The following REV3L variants were observed in gnomAD, a reference collection of about 807,000 sequenced individuals.
The protein encoded by REV3L is REV3 like, DNA directed polymerase zeta catalytic subunit.
A neutral mutation model predicts 299.4 loss-of-function variants in REV3L; 69 were observed. The ratio of observed to expected loss-of-function variants is 0.23; its 90% CI spans 0.19 to 0.28. REV3L has a LOEUF of 0.28. REV3L is among the 10% of genes least tolerant of loss of function. The pLI, the probability that REV3L is intolerant of heterozygous loss-of-function variation, is 1.00. For synonymous variants in REV3L, 1,238 were observed against 1,271.4 expected, an observed-to-expected ratio of 0.97 and a Z score of 0.56; for missense variants, 3,128 against 3,693.8, an observed-to-expected ratio of 0.85 and a Z score of 3.97.
At chr6:111,353,526 T>C (rs1025363180) in intron 18 of REV3L, among the ~76,000 whole-genome samples, 3 of 152,212 alleles carry the variant, frequency 2.0e-5, no homozygotes, top group African/African-American at 7.2e-5. Context: ...GATCTGTTCA[T>C]GATCCATTGT....
chr6:111,314,710 G>C (rs966620950), intron 27 of REV3L, among the ~76,000 whole-genome samples: 1 of 152,176 alleles, frequency 6.6e-6, no homozygotes, highest in Non-Finnish European at 1.5e-5. Flanking sequence ...AGAATGAAAT[G>C]CTGGCTGTTT....
At chr6:111,465,288 C>T (rs1312604193) in intron 1 of REV3L, among the ~76,000 whole-genome samples, 2 of 151,094 alleles carry the variant, frequency 1.3e-5, no homozygotes, top group Admixed American at 1.3e-4. Context: ...GCCATGTTGG[C>T]TAGGCTGGTC....
intron 1 of REV3L, among the ~76,000 whole-genome samples, chr6:111,457,468 T>C (rs371664434): frequency 6.6e-6 from 1 of 151,574 alleles, no homozygotes; most frequent in Non-Finnish European, 1.5e-5. Flanking sequence ...AGATTGTTTT[T>C]AGTTGGGAAA....
chr6:111,393,185 A>T (rs914244963), intron 4 of REV3L, among the ~76,000 whole-genome samples: 1 of 151,452 alleles, frequency 6.6e-6, no homozygotes, highest in South Asian at 2.1e-4. Flanking sequence ...AGCGCAGCAA[A>T]TTTTTTTTGT....
chr6:111,454,296 TAAC>T (rs1789915351), intron 1 of REV3L, among the ~76,000 whole-genome samples: 1 of 151,590 alleles, frequency 6.6e-6, no homozygotes, highest in Admixed American at 6.6e-5. Flanking sequence ...GAAAACAATT[TAAC>T]AATAAAACAA....
At chr6:111,445,778 G>T (rs1287904844) in intron 1 of REV3L, among the ~76,000 whole-genome samples, 7 of 152,168 alleles carry the variant, frequency 4.6e-5, no homozygotes, top group Non-Finnish European at 1.5e-5. Flanking sequence ...ATTTACACCA[G>T]TCTTTAAAGG....
At chr6:111,363,797 A>C in intron 16 of REV3L, 56 bp downstream of exon 16, 1 of 1,566,908 alleles carries the variant, frequency 6.4e-7, no homozygotes, top group Non-Finnish European at 8.7e-7. Context: ...GTTTTATAGA[A>C]TAAAACAGGA....
At chr6:111,322,533 A>G in intron 26 of REV3L, 36 bp downstream of exon 26, 1 of 1,448,390 alleles carries the variant, frequency 6.9e-7, no homozygotes, top group Non-Finnish European at 9.7e-7. Flanking sequence ...ATCTAGAGAG[A>G]TGCAAAAGAC....
chr6:111,410,081 T>C (rs2128279301), intron 3 of REV3L, among the ~76,000 whole-genome samples: 1 of 152,304 alleles, frequency 6.6e-6, no homozygotes, highest in South Asian at 2.1e-4. Flanking sequence ...GGCTCAGGCC[T>C]GTAATCCCAG....
intron 9 of REV3L, among the ~76,000 whole-genome samples, chr6:111,384,495 C>G (rs771240388): frequency 1.2e-4 from 18 of 152,116 alleles, no homozygotes; most frequent in Non-Finnish European, 2.6e-4. Context: ...TGAAAAGATG[C>G]TCAACATCAC....
chr6:111,401,217 T>G (rs1376447994), intron 4 of REV3L, among the ~76,000 whole-genome samples: 1 of 152,178 alleles, frequency 6.6e-6, no homozygotes, highest in African/African-American at 2.4e-5. Flanking sequence ...CTTTTGGAAG[T>G]CTCCATACTT....
At chr6:111,411,786 C>A (rs1228329919) in intron 2 of REV3L, among the ~76,000 whole-genome samples, 1 of 152,060 alleles carries the variant, frequency 6.6e-6, no homozygotes, top group Non-Finnish European at 1.5e-5. Flanking sequence ...TCTTTAATTA[C>A]TGACGATGGG....
rs764960783 is a variant in REV3L, at chr6:111,367,607, G to T, written c.6181C>A (p.Pro2061Thr). The change falls in exon 14 of 32, where the codon CCC becomes ACC. Residue 2061 changes from proline to threonine, a missense_variant. Transcript: ENST00000368802. ...PKMDVSPCILPTTAHTKEDVD... is the reference protein window; with the variant it reads ...PKMDVSPCILTTTAHTKEDVD... ...TCCTCCTTGGTATGTGCTGTAGTGG[G>T]GAGTATACATGGACTTACATCCATT... 2 of 1,614,134 alleles carry T rather than the reference G, an allele frequency of 1.2e-6. No individual in the cohort carries two copies. The highest frequency in any genetic ancestry group is 1.1e-5 in the South Asian group (1 of 91,080).
intron 5 of REV3L, among the ~76,000 whole-genome samples, chr6:111,391,110 G>A (rs1270476312): frequency 1.3e-5 from 2 of 149,744 alleles, no homozygotes; most frequent in African/African-American, 4.9e-5. Context: ...CCATCGCCCA[G>A]GCTGGAGTGC....
intron 1 of REV3L, among the ~76,000 whole-genome samples, chr6:111,479,584 A>G (rs1583154141): frequency 1.4e-5 from 2 of 141,626 alleles, no homozygotes; most frequent in South Asian, 4.5e-4. Context: ...ATCTTGGCTC[A>G]CTGCAGCCTC....
intron 1 of REV3L, among the ~76,000 whole-genome samples, chr6:111,455,162 A>G (rs191689366): frequency 2.0e-5 from 3 of 152,320 alleles, no homozygotes; most frequent in East Asian, 3.9e-4. Context: ...AAGGACTGAT[A>G]TGACTAAGGG....
At chr6:111,440,439 G>C (rs1044140713) in intron 1 of REV3L, among the ~76,000 whole-genome samples, 2 of 152,088 alleles carry the variant, frequency 1.3e-5, no homozygotes, top group Non-Finnish European at 2.9e-5. Flanking sequence ...TGATTATAAT[G>C]GTTCCTATTT....
intron 26 of REV3L, among the ~76,000 whole-genome samples, chr6:111,317,431 A>T (rs1773658866): frequency 6.6e-6 from 1 of 152,184 alleles, no homozygotes; most frequent in African/African-American, 2.4e-5. Flanking sequence ...AACCATCTGA[A>T]GGTTTTTTTT....
intron 18 of REV3L, among the ~76,000 whole-genome samples, chr6:111,352,498 C>A (rs1166013938): frequency 6.6e-6 from 1 of 151,910 alleles, no homozygotes; most frequent in African/African-American, 2.4e-5. Context: ...TGAAAAAGAT[C>A]CCTAGGTCAT....
Sources: allele counts gnomAD v4.1 joint callset (sites outside exome capture counted in the v4.1 genomes callset), GRCh38; gene constraint gnomAD v4.1.1; transcripts MANE v1.5; gene names NCBI Gene and HGNC (gene_info 2026-07-23, HGNC 2026-07-21).